The following ADPRHL1 variants were observed in gnomAD, a reference collection of about 807,000 sequenced individuals.
ADPRHL1 encodes inactive ADP-ribosyltransferase ARH2.
In ADPRHL1, 43 loss-of-function variants were observed where a neutral mutation model predicts 44.1. The ratio of observed to expected loss-of-function variants is 0.98; its 90% CI spans 0.76 to 1.26. The LOEUF is 1.26. Ranked by LOEUF, ADPRHL1 falls within the 50% of genes most tolerant of loss-of-function variation. The pLI, the probability that ADPRHL1 is intolerant of heterozygous loss-of-function variation, is 0.00. For synonymous variants in ADPRHL1, 878 were observed against 1,017.4 expected, an observed-to-expected ratio of 0.86 and a Z score of 2.61; for missense variants, 2,022 against 2,496.9, an observed-to-expected ratio of 0.81 and a Z score of 4.05.
intron 1 of ADPRHL1, among the ~76,000 whole-genome samples, chr13:113,446,399 C>T (rs1372223740): frequency 6.6e-6 from 1 of 152,184 alleles, no homozygotes; most frequent in East Asian, 1.9e-4. Context: ...TATGTTGTGT[C>T]CTCCTACCAC....
chr13:113,419,528 T>C (rs1418559505), intron 7 of ADPRHL1, among the ~76,000 whole-genome samples: 2 of 151,960 alleles, frequency 1.3e-5, no homozygotes, highest in East Asian at 3.9e-4. Context: ...AATACAAAAA[T>C]GAATCCTAGA....
chr13:113,431,016 T>A (rs1465660967), intron 3 of ADPRHL1, among the ~76,000 whole-genome samples: 4 of 151,984 alleles, frequency 2.6e-5, no homozygotes, highest in African/African-American at 9.7e-5. Flanking sequence ...GGCTGAGAGG[T>A]TGTGTTGCTG....
chr13:113,428,076 C>CTACTAAAAA (rs1321592297), intron 4 of ADPRHL1, among the ~76,000 whole-genome samples: 4 of 152,126 alleles, frequency 2.6e-5, no homozygotes, highest in African/African-American at 9.7e-5. Flanking sequence ...AACCCCGTCT[C>CTACTAAAAA]TACTAAAAAT....
chr13:113,435,764 G>A (rs368989967), intron 2 of ADPRHL1, among the ~76,000 whole-genome samples: 23 of 36,722 alleles, frequency 6.3e-4, no homozygotes, highest in Non-Finnish European at 1.0e-3. Flanking sequence ...GGTGTACCCC[G>A]GGACCCGGCA....
Position 113,453,429 on chromosome 13 carries a change from T to A in ADPRHL1, c.9A>T (p.Lys3Asn). 1 of 1,614,074 alleles carries A rather than the reference T, an allele frequency of 6.2e-7. No homozygotes were observed. The highest frequency in any genetic ancestry group is 8.5e-7 in the Non-Finnish European group (1 of 1,180,020). Residue 3 changes from lysine to asparagine, a missense_variant, in exon 1 of 8, where the codon AAA becomes AAT. By Grantham distance (94) the Lys-to-Asn change is moderately conservative (BLOSUM62 0). Coordinates refer to ENST00000612156, the MANE Select transcript of ADPRHL1 (RefSeq NM_001394807.1). This position sits in a 1 kb window ranked among gnomAD's most constrained non-coding sequence, Gnocchi z 5.4. Reference protein sequence around the residue: MEKFKAAMLLGSV... With the variant: MENFKAAMLLGSV... ...TCCCCAGCAACATCGCAGCCTTAAA[T>A]TTCTCCATCCCAGGAGGCAGCTCCT...
intron 1 of ADPRHL1, among the ~76,000 whole-genome samples, chr13:113,450,422 A>T (rs538886399): frequency 1.5e-3 from 232 of 152,218 alleles, no homozygotes; most frequent in African/African-American, 5.4e-3. Context: ...GTGACGAGAG[A>T]GTGTAGAAAT....
chr13:113,428,394 A>G (rs2043982086), intron 4 of ADPRHL1, among the ~76,000 whole-genome samples: 1 of 152,230 alleles, frequency 6.6e-6, no homozygotes, highest in Admixed American at 6.5e-5. Flanking sequence ...CAAGGACGCC[A>G]AAGGCTGCAT....
chr13:113,444,334 G>C (rs2044120748), intron 2 of ADPRHL1, 91 bp downstream of exon 2: 1 of 1,512,090 alleles, frequency 6.6e-7, no homozygotes. Context: ...AAGCCACCTG[G>C]AGATGCTGGG....
At chr13:113,445,613 G>T (rs2044130800) in intron 1 of ADPRHL1, among the ~76,000 whole-genome samples, 1 of 152,200 alleles carries the variant, frequency 6.6e-6, no homozygotes, top group African/African-American at 2.4e-5. Flanking sequence ...TTGGGGAGGG[G>T]AGGGGTGGGA....
At chr13:113,439,444 A>AATT (rs1566479890) in intron 2 of ADPRHL1, among the ~76,000 whole-genome samples, 1 of 137,864 alleles carries the variant, frequency 7.3e-6, no homozygotes, top group African/African-American at 2.8e-5. Context: ...TTTTCTTTGT[A>AATT]TTTTTTTTTT....
intron 4 of ADPRHL1, among the ~76,000 whole-genome samples, chr13:113,426,135 TA>T (rs10717337): frequency 0.81 from 123,608 of 152,216 alleles, 50,354 homozygotes; most frequent in Admixed American, 0.86. Context: ...AGGGACTTCT[TA>T]AGAGGTCATC....
At chr13:113,423,633 T>C (rs1407761776) in intron 6 of ADPRHL1, among the ~76,000 whole-genome samples, 1 of 152,176 alleles carries the variant, frequency 6.6e-6, no homozygotes, top group Non-Finnish European at 1.5e-5. Flanking sequence ...GGGTTGACCT[T>C]ACGGGTAGGA....
chr13:113,405,361 C>G lies in ADPRHL1; in HGVS notation c.3921G>C (p.Gly1307=). 1 of 1,231,860 alleles carries G rather than the reference C, an allele frequency of 8.1e-7. No homozygotes were observed. Among genetic ancestry groups the G allele is most frequent in the Non-Finnish European group, 1.0e-6 (1 of 988,066 alleles). 76.3% of individuals were successfully genotyped at this position (1,231,860 alleles called of 1,614,324 possible). The change falls in exon 8 of 8, where the codon GGG becomes GGC. Residue 1307 remains glycine, a synonymous_variant. Coordinates refer to ENST00000612156, the MANE Select transcript of ADPRHL1 (RefSeq NM_001394807.1). ...KGREGVRFPR[G]AEPDHLLPAV... is the part of the protein sequence containing the mutation. ...CGGGAAGCAGATGGTCAGGCTCCGC[C>G]CCACGGGGAAACCTGACGCCCTCCC...
At chr13:113,424,096 G>C in intron 6 of ADPRHL1, 121 bp downstream of exon 6, 2 of 1,339,304 alleles carry the variant, frequency 1.5e-6, no homozygotes, top group African/African-American at 1.5e-5. Context: ...AGAGATGGAC[G>C]CACATGCTGG....
chr13:113,434,660 C>T (rs369452113), intron 2 of ADPRHL1, among the ~76,000 whole-genome samples: 8 of 83,364 alleles, frequency 9.6e-5, no homozygotes, highest in South Asian at 8.9e-4. Flanking sequence ...AGAGTGAACA[C>T]AGGTGTACCC....
chr13:113,409,238 C>T lies in ADPRHL1; in HGVS notation c.1062-1018G>A, dbSNP rs1055693415. The T allele has an allele frequency of 2.4e-5, 23 of 955,982 alleles. No homozygotes were observed. Among genetic ancestry groups the T allele is most frequent in the South Asian group, 1.9e-4 (4 of 20,764 alleles). The allele number at this position is 955,982 out of a possible 1,614,324, so 59.2% of individuals were successfully genotyped here. A position where few individuals can be genotyped will look rare whatever the true frequency, so the allele number is the denominator to read the frequency against. ...GGGGTAAGTTCTGCTCCTGAGCAGCCGTGACCACAGGAGCAAAGCTGGAAG... is the reference window on the plus strand; with the variant it reads ...GGGGTAAGTTCTGCTCCTGAGCAGCTGTGACCACAGGAGCAAAGCTGGAAG... On this transcript the variant is annotated intron_variant, in intron 7 of 7. Coordinates refer to ENST00000612156, the MANE Select transcript of ADPRHL1 (RefSeq NM_001394807.1). The surrounding 1 kb of genome is among the most constrained non-coding windows in gnomAD (Gnocchi z 4.2).
rs1343790435 is a variant in ADPRHL1 at position 113,409,839 on chromosome 13, A to G, written c.1062-1619T>C. 6.0e-6 allele frequency: 5 copies of G among 826,770 alleles called. No individual in the cohort carries two copies. In the African/African-American group the frequency reaches 9.5e-5, roughly 16 times the overall value. The allele number at this position is 826,770 out of a possible 1,614,324, so 51.2% of individuals were successfully genotyped here. ...AGGAGGCAGAGCTTGCAGTGAGCCG[A>G]GATCGCACCACTGCACTCCAGCCTG... On this transcript the variant is annotated intron_variant, in intron 7 of 7. Coordinates refer to ENST00000612156, the MANE Select transcript of ADPRHL1 (RefSeq NM_001394807.1). This position sits in a 1 kb window ranked among gnomAD's most constrained non-coding sequence, Gnocchi z 4.2.
chr13:113,433,929 T>C, intron 2 of ADPRHL1, 62 bp from the exon 3 acceptor site: 1 of 1,465,384 alleles, frequency 6.8e-7, no homozygotes, highest in Non-Finnish European at 9.1e-7. Context: ...CCTGACAATC[T>C]AGCTTTCATG....
intron 2 of ADPRHL1, among the ~76,000 whole-genome samples, chr13:113,443,549 G>T (rs758763310): frequency 4.6e-5 from 7 of 151,986 alleles, no homozygotes; most frequent in Non-Finnish European, 1.0e-4. Flanking sequence ...AGTCTGGGAG[G>T]TCAAGGCTGC....
Sources: allele counts gnomAD v4.1 joint callset (sites outside exome capture counted in the v4.1 genomes callset), GRCh38; gene constraint gnomAD v4.1.1; non-coding constraint Gnocchi (gnomAD v3.1); transcripts MANE v1.5; gene names NCBI Gene and HGNC (gene_info 2026-07-23, HGNC 2026-07-21).